The following ANO10 variants were observed in gnomAD, a reference collection of about 807,000 sequenced individuals.
ANO10 encodes the protein anoctamin 10, also known as anoctamin-10.
Under a neutral mutation model 74.7 loss-of-function variants are expected in ANO10, and 77 were observed. The observed-to-expected ratio is 1.03, with a 90% CI of 0.86 to 1.25. The LOEUF (loss-of-function observed/expected upper bound fraction) is 1.25, where lower values mean the gene tolerates loss of function less well. ANO10 is among the 50% of genes most tolerant of loss of function. The pLI, the probability that ANO10 is intolerant of heterozygous loss-of-function variation, is 0.00. For synonymous variants in ANO10, 279 were observed against 284.9 expected (o/e 0.98, Z 0.21); for missense variants, 721 against 778.1 (o/e 0.93, Z 0.87).
chr3:43,671,408 A>T (rs1450202757), intron 1 of ANO10, among the ~76,000 whole-genome samples: 1 of 152,150 alleles, frequency 6.6e-6, no homozygotes, highest in Non-Finnish European at 1.5e-5. Flanking sequence ...TGATCCTCCA[A>T]TGGTGCATGC....
At chr3:43,410,259 T>C (rs1446709262) in intron 12 of ANO10, among the ~76,000 whole-genome samples, 1 of 152,112 alleles carries the variant, frequency 6.6e-6, no homozygotes, top group Non-Finnish European at 1.5e-5. Context: ...TTTATTTTAT[T>C]TATTTTTTAG....
At chr3:43,486,818 T>G (rs1176504085) in intron 11 of ANO10, among the ~76,000 whole-genome samples, 2 of 150,848 alleles carry the variant, frequency 1.3e-5, no homozygotes. Context: ...CTAATGGCCC[T>G]GGCCAGAACT....
intron 11 of ANO10, among the ~76,000 whole-genome samples, chr3:43,445,700 T>C (rs1400176050): frequency 6.6e-6 from 1 of 152,066 alleles, no homozygotes; most frequent in Non-Finnish European, 1.5e-5. Flanking sequence ...AATGCATTTT[T>C]TTTTTGTATT....
chr3:43,627,764 A>G (rs555103532), intron 1 of ANO10, among the ~76,000 whole-genome samples: 3 of 152,148 alleles, frequency 2.0e-5, no homozygotes, highest in African/African-American at 7.2e-5. Context: ...TGCTAAAGAA[A>G]CTGTTGTTTC....
intron 11 of ANO10, among the ~76,000 whole-genome samples, chr3:43,503,037 T>C (rs1044334576): frequency 5.9e-5 from 9 of 152,162 alleles, no homozygotes; most frequent in African/African-American, 2.2e-4. Flanking sequence ...ATAAATGTAT[T>C]TAATACCACT....
At chr3:43,491,506 T>G (rs778982399) in intron 11 of ANO10, among the ~76,000 whole-genome samples, 3 of 151,868 alleles carry the variant, frequency 2.0e-5, no homozygotes, top group Non-Finnish European at 4.4e-5. Context: ...AGAGTAAAAC[T>G]CCATCTCCAA....
intron 7 of ANO10, among the ~76,000 whole-genome samples, chr3:43,567,977 G>C (rs896811412): frequency 2.6e-5 from 4 of 151,924 alleles, no homozygotes; most frequent in African/African-American, 7.3e-5. Flanking sequence ...CAAAATAAAA[G>C]GATGGAGGAA....
rs60554785 is a variant in ANO10, at chr3:43,414,967, CTTTTTTTTT to C, written c.1914+17635_1914+17643del. ...CTGTATGGTTGTTCCTGTCATTGTGCTTTTTTTTTTTTTTTTTTTTTTTTTGAGACAGGG... is the reference window on the plus strand; with the variant it reads ...CTGTATGGTTGTTCCTGTCATTGTGCTTTTTTTTTTTTTTTTGAGACAGGG... On this transcript the variant is annotated intron_variant, in intron 12 of 12. Coordinates refer to ENST00000292246, the MANE Select transcript of ANO10 (RefSeq NM_018075.5). Among the ~76,000 whole-genome samples the C allele has an allele frequency of 5.4e-3, 360 of 66,608 alleles. 1 individual carries two copies. Among genetic ancestry groups the C allele is most frequent in the African/African-American group, 0.022 (347 of 16,010 alleles). 43.7% of individuals were successfully genotyped at this position (66,608 alleles called of 152,430 possible).
intron 12 of ANO10, among the ~76,000 whole-genome samples, chr3:43,422,045 A>G (rs2092827438): frequency 6.6e-6 from 1 of 152,236 alleles, no homozygotes. Context: ...ATGGCAATGC[A>G]ATTATTAATC....
intron 11 of ANO10, among the ~76,000 whole-genome samples, chr3:43,500,538 C>T (rs568933426): frequency 2.6e-5 from 4 of 152,282 alleles, no homozygotes; most frequent in Non-Finnish European, 5.9e-5. Flanking sequence ...CCCTGATATC[C>T]ACTGTAAAAT....
chr3:43,598,666 T>C lies in ANO10; in HGVS notation c.338A>G (p.Asp113Gly), dbSNP rs377748378. 3.1e-6 allele frequency: 5 copies of C among 1,599,146 alleles called. No individual in the cohort carries two copies. In the African/African-American group the frequency reaches 4.0e-5, roughly 13 times the overall value. The part of the protein sequence containing the change: ...RTRQNFKGFD[D>G]NNDDFLTMAE... ...CATTGTCAGGAAATCATCATTGTTA[T>C]CTAAAATAAAACAGAAATTACCAGA... Residue 113 changes from aspartate to glycine, a missense_variant and splice_region_variant, in exon 4 of 13, where the codon GAT (aspartate) becomes GGT (glycine). Physicochemically the swap from Asp to Gly is moderately conservative, Grantham distance 94. Transcript: ENST00000292246.
chr3:43,678,091 T>C (rs1002616906), intron 1 of ANO10, among the ~76,000 whole-genome samples: 2 of 152,218 alleles, frequency 1.3e-5, no homozygotes, highest in Non-Finnish European at 1.5e-5. Flanking sequence ...ACACCTAACC[T>C]ACCTAACATC....
chr3:43,651,440 G>A (rs2083785596), intron 1 of ANO10, among the ~76,000 whole-genome samples: 1 of 152,190 alleles, frequency 6.6e-6, no homozygotes, highest in Non-Finnish European at 1.5e-5. Context: ...AGTATTGAAA[G>A]GGATGCTGTT....
intron 11 of ANO10, among the ~76,000 whole-genome samples, chr3:43,458,703 T>C (rs966027801): frequency 5.9e-5 from 9 of 152,178 alleles, no homozygotes; most frequent in Non-Finnish European, 1.0e-4. Flanking sequence ...AGGTTTGTTA[T>C]ATAGGTATAC....
chr3:43,548,150 G>A (rs2079285733), intron 11 of ANO10, among the ~76,000 whole-genome samples: 1 of 152,164 alleles, frequency 6.6e-6, no homozygotes, highest in African/African-American at 2.4e-5. Context: ...CTGGCTTTCT[G>A]GTCAATCCCT....
chr3:43,691,091 G>C (rs756643002), intron 1 of ANO10: 2 of 1,497,906 alleles, frequency 1.3e-6, no homozygotes, highest in African/African-American at 2.9e-5. Context: ...CACCCTCCGC[G>C]CGGGCCGGGT....
At chr3:43,522,661 G>A (rs954037861) in intron 11 of ANO10, among the ~76,000 whole-genome samples, 1 of 152,314 alleles carries the variant, frequency 6.6e-6, no homozygotes, top group East Asian at 1.9e-4. Flanking sequence ...CAATTCTGGT[G>A]TATCTGGGCA....
chr3:43,517,026 G>A (rs2077739765), intron 11 of ANO10, among the ~76,000 whole-genome samples: 1 of 152,138 alleles, frequency 6.6e-6, no homozygotes, highest in Non-Finnish European at 1.5e-5. Flanking sequence ...CGGCTGCACA[G>A]GCAGGAGAGC....
intron 11 of ANO10, among the ~76,000 whole-genome samples, chr3:43,490,778 A>G (rs528157421): frequency 6.6e-6 from 1 of 152,256 alleles, no homozygotes; most frequent in Non-Finnish European, 1.5e-5. Flanking sequence ...TGAGGAGGGC[A>G]GAAGGGTGCT....
Sources: gnomAD v4.1 joint callset for allele counts (sites outside exome capture counted in the v4.1 genomes callset) on GRCh38, gnomAD v4.1.1 for gene constraint, MANE v1.5 for transcripts, NCBI Gene and HGNC (gene_info 2026-07-23, HGNC 2026-07-21) for gene names.